The following TSHZ2 variants were observed in gnomAD, a reference collection of about 807,000 sequenced individuals.
TSHZ2 encodes teashirt zinc finger homeobox 2, also known as teashirt homolog 2.
In TSHZ2, 21 loss-of-function variants were observed where a neutral mutation model predicts 74.4. The observed-to-expected ratio is 0.28, with a 90% CI of 0.20 to 0.41. The LOEUF (loss-of-function observed/expected upper bound fraction) is 0.41. Ranked by LOEUF, TSHZ2 falls within the 10% of genes least tolerant of loss-of-function variation. The probability of loss-of-function intolerance (pLI) is 1.00; values close to 1 mark genes in which losing one functional copy is unlikely to be tolerated. For missense variants in TSHZ2, 1,244 were observed against 1,293.5 expected, an observed-to-expected ratio of 0.96 and a Z score of 0.59; for synonymous variants, 540 against 515.3, an observed-to-expected ratio of 1.05 and a Z score of -0.65.
chr20:53,010,517 C>T (rs989689858), intron 1 of TSHZ2, among the ~76,000 whole-genome samples: 2 of 151,982 alleles, frequency 1.3e-5, no homozygotes, highest in African/African-American at 4.8e-5. Flanking sequence ...TTATGTGTGC[C>T]CAGCCTGTGA....
intron 1 of TSHZ2, among the ~76,000 whole-genome samples, chr20:53,073,579 A>T (rs1400046146): frequency 2.0e-5 from 3 of 152,194 alleles, no homozygotes; most frequent in Admixed American, 6.5e-5. Context: ...CTTCTTTATA[A>T]TTTTCTCTAT....
intron 1 of TSHZ2, among the ~76,000 whole-genome samples, chr20:53,107,053 G>A (rs1044539916): frequency 1.3e-5 from 2 of 152,058 alleles, no homozygotes; most frequent in African/African-American, 2.4e-5. Context: ...TATCTTTCCC[G>A]TTGCTGTTTC....
chr20:53,251,675 C>T (rs1990335080), intron 1 of TSHZ2, among the ~76,000 whole-genome samples: 1 of 152,152 alleles, frequency 6.6e-6, no homozygotes, highest in African/African-American at 2.4e-5. Context: ...AAATAACTAA[C>T]ACAACCATAA....
chr20:53,105,188 T>C (rs1156972474), intron 1 of TSHZ2, among the ~76,000 whole-genome samples: 1 of 152,182 alleles, frequency 6.6e-6, no homozygotes, highest in Non-Finnish European at 1.5e-5. Flanking sequence ...CGGAACTCAT[T>C]TCGTGGCCAC....
At chr20:53,328,142 C>T (rs1568869997) in intron 2 of TSHZ2, among the ~76,000 whole-genome samples, 1 of 152,218 alleles carries the variant, frequency 6.6e-6, no homozygotes, top group Non-Finnish European at 1.5e-5. Context: ...GTCCAACACA[C>T]TCTTCCATCA....
chr20:53,480,143 A>T (rs1364394840), intron 2 of TSHZ2, among the ~76,000 whole-genome samples: 1 of 147,808 alleles, frequency 6.8e-6, no homozygotes, highest in Non-Finnish European at 1.5e-5. Context: ...ATCTCGACTC[A>T]CTGCAACCTC....
intron 2 of TSHZ2, among the ~76,000 whole-genome samples, chr20:53,286,713 G>T (rs1285219932): frequency 6.6e-6 from 1 of 152,028 alleles, no homozygotes; most frequent in Admixed American, 6.6e-5. Context: ...ACACAGTGAG[G>T]TCCTTTCTCT....
At chr20:52,980,135 G>T (rs1981507730) in intron 1 of TSHZ2, among the ~76,000 whole-genome samples, 1 of 152,202 alleles carries the variant, frequency 6.6e-6, no homozygotes, top group African/African-American at 2.4e-5. Context: ...ATGTGGGCAT[G>T]CAAACCAAAA....
intron 1 of TSHZ2, among the ~76,000 whole-genome samples, chr20:53,163,778 G>A (rs1286768486): frequency 6.6e-6 from 1 of 152,182 alleles, no homozygotes; most frequent in East Asian, 1.9e-4. Context: ...AACCTGGTGA[G>A]AGATTCTGAA....
chr20:53,363,126 G>A (rs1303166867), intron 2 of TSHZ2, among the ~76,000 whole-genome samples: 2 of 152,252 alleles, frequency 1.3e-5, no homozygotes, highest in Non-Finnish European at 2.9e-5. Context: ...TGTGCTGCAC[G>A]TCTCCCGGAG....
chr20:53,399,094 C>G (rs1982559703), intron 2 of TSHZ2: 1 of 152,198 alleles, frequency 6.6e-6, no homozygotes, highest in Admixed American at 6.5e-5. Context: ...ACCATGACCA[C>G]TCCCAAAGTT....
chr20:53,007,706 G>A (rs1355492072), intron 1 of TSHZ2, among the ~76,000 whole-genome samples: 1 of 150,152 alleles, frequency 6.7e-6, no homozygotes, highest in Non-Finnish European at 1.5e-5. Flanking sequence ...GTGTGTGTAT[G>A]TATGTATACT....
chr20:53,005,732 C>T (rs960883827), intron 1 of TSHZ2, among the ~76,000 whole-genome samples: 1 of 152,182 alleles, frequency 6.6e-6, no homozygotes, highest in Non-Finnish European at 1.5e-5. Context: ...TATATAGCCC[C>T]TCTCTCCAAG....
At chr20:53,396,868 G>C (rs958571918) in intron 2 of TSHZ2, among the ~76,000 whole-genome samples, 10 of 146,752 alleles carry the variant, frequency 6.8e-5, no homozygotes, top group Admixed American at 2.7e-4. Flanking sequence ...AAAAAACAGA[G>C]AGAGAATGCT....
intron 1 of TSHZ2, among the ~76,000 whole-genome samples, chr20:53,153,577 C>T (rs1401257145): frequency 6.6e-6 from 1 of 152,190 alleles, no homozygotes; most frequent in East Asian, 1.9e-4. Flanking sequence ...AATGTCAGAA[C>T]AGACCCTGAG....
At chr20:53,049,470 A>G (rs1984345068) in intron 1 of TSHZ2, among the ~76,000 whole-genome samples, 1 of 152,140 alleles carries the variant, frequency 6.6e-6, no homozygotes, top group South Asian at 2.1e-4. Context: ...ACTTTTCCCA[A>G]GCTGAGGCAC....
intron 1 of TSHZ2, among the ~76,000 whole-genome samples, chr20:52,997,263 G>GT (rs1555813118): frequency 0.05 from 7,596 of 151,496 alleles, 207 homozygotes; most frequent in East Asian, 0.085. Flanking sequence ...TTGCCCCGGG[G>GT]GGGGGTTCAG....
intron 2 of TSHZ2, among the ~76,000 whole-genome samples, chr20:53,406,291 G>C (rs759614437): frequency 6.6e-6 from 1 of 152,198 alleles, no homozygotes. Context: ...TAGACTCTCC[G>C]GGCTGCCAAA....
intron 2 of TSHZ2, among the ~76,000 whole-genome samples, chr20:53,269,436 A>G (rs926128535): frequency 3.3e-5 from 5 of 152,168 alleles, no homozygotes; most frequent in Non-Finnish European, 5.9e-5. Flanking sequence ...CAACTTTCCC[A>G]TTCTCTTCCT....
Sources: allele counts gnomAD v4.1 joint callset (sites outside exome capture counted in the v4.1 genomes callset), GRCh38; gene constraint gnomAD v4.1.1; transcripts MANE v1.5; gene names NCBI Gene and HGNC (gene_info 2026-07-23, HGNC 2026-07-21).